Variants in ICE1 observed in about 807,000 individuals in gnomAD.
The protein encoded by ICE1 is little elongation complex subunit 1.
ICE1 carries 64 observed loss-of-function variants against 192.7 expected under a neutral mutation model. That is an observed-to-expected ratio of 0.33 (90% confidence interval 0.27 to 0.41). The LOEUF is 0.41. Ranked by LOEUF, ICE1 falls within the 10% of genes least tolerant of loss-of-function variation. The probability of loss-of-function intolerance (pLI) is 1.00; values close to 1 mark genes in which losing one functional copy is unlikely to be tolerated. For missense variants in ICE1, 2,708 were observed against 2,696.0 expected, an observed-to-expected ratio of 1.00 and a Z score of -0.10; for synonymous variants, 1,010 against 984.5, an observed-to-expected ratio of 1.03 and a Z score of -0.49.
rs1031267443 is a variant in ICE1, at chr5:5,454,640, TGA to T, written c.691+9_691+10del. ...GTGAAGGCAGCAGGTGTGTCCCAGG[TGA>T]GAGAGAAGCTTACAGAAACCGATTT... On this transcript the variant is annotated splice_donor_region_variant and intron_variant, in intron 11 of 18. Transcript: ENST00000296564. 5.0e-6 allele frequency: 8 copies of T among 1,611,842 alleles called. No individual in the cohort carries two copies. Among genetic ancestry groups the T allele is most frequent in the Non-Finnish European group, 6.8e-6 (8 of 1,178,420 alleles).
intron 17 of ICE1, among the ~76,000 whole-genome samples, chr5:5,484,363 TTGAG>T (rs1739582176): frequency 6.6e-6 from 1 of 152,226 alleles, no homozygotes; most frequent in African/African-American, 2.4e-5. Context: ...CATCCCATGA[TTGAG>T]TAATACCATA....
intron 14 of ICE1, among the ~76,000 whole-genome samples, chr5:5,467,861 T>C (rs901484355): frequency 8.5e-5 from 13 of 152,254 alleles, no homozygotes; most frequent in Admixed American, 7.8e-4. Flanking sequence ...CAGTTTCTTA[T>C]GAAATTAAAA....
intron 12 of ICE1, 94 bp from the exon 13 acceptor site, chr5:5,460,342 G>A (rs1438601763): frequency 7.0e-6 from 6 of 857,886 alleles, no homozygotes; most frequent in Non-Finnish European, 1.1e-5. Flanking sequence ...AGATTCTTCA[G>A]GAAACGTGTA....
In ICE1 at chr5:5,447,848, A is replaced by G. The variant is rs1008626506; in HGVS notation, c.555A>G (p.Arg185=). The change falls in exon 10 of 19, where the codon AGA becomes AGG. Residue 185 remains arginine, a synonymous_variant. Transcript: ENST00000296564. ...FSKQKNEKEL[R]HIGTQISSDS... is the part of the protein sequence containing the mutation. ...TTTTCCCCATGCTTTTAGAGTTGAGACATATTGGAACACAAATTTCAAGTG... is the reference window on the plus strand; with the variant it reads ...TTTTCCCCATGCTTTTAGAGTTGAGGCATATTGGAACACAAATTTCAAGTG... 2 of 1,578,428 alleles carry G rather than the reference A, an allele frequency of 1.3e-6. No homozygotes were observed. The highest frequency in any genetic ancestry group is 1.2e-5 in the South Asian group (1 of 86,708).
chr5:5,441,236 AT>A lies in ICE1; in HGVS notation c.309+17del. The A allele has an allele frequency of 3.4e-6, 5 of 1,456,880 alleles. No homozygotes were observed. The highest frequency in any genetic ancestry group is 4.7e-6 in the Non-Finnish European group (5 of 1,061,468). 90.2% of individuals were successfully genotyped at this position (1,456,880 alleles called of 1,614,324 possible). On this transcript the variant is annotated intron_variant, in intron 5 of 18. Coordinates refer to ENST00000296564, the MANE Select transcript of ICE1 (RefSeq NM_015325.3). ...AGAAGAGAAAAAGGTATGAACAATA[AT>A]TTTCTGTAAAGATTTACGGTCAATA...
At chr5:5,430,873 A>G (rs935181946) in intron 1 of ICE1, among the ~76,000 whole-genome samples, 3 of 152,112 alleles carry the variant, frequency 2.0e-5, no homozygotes, top group Non-Finnish European at 4.4e-5. Flanking sequence ...CTTTAATTCA[A>G]TTTTTCATCC....
At position 5,472,947 on chromosome 5, in the gene ICE1, G is replaced by A. The variant is rs1739205315; in HGVS notation, c.6223-611G>A. The stretch of plus-strand genomic sequence containing the variant: ...GAAATTTACATCCTCACAAAGGCTT[G>A]CACGTGAATATTCATAGCAGCATTA... On this transcript the variant is annotated intron_variant, in intron 15 of 18. Transcript: ENST00000296564. Among the ~76,000 whole-genome samples the A allele has an allele frequency of 2.0e-5, 3 of 152,128 alleles. No individual in the cohort carries two copies. The South Asian group carries it at 6.2e-4, about 31-fold the overall frequency.
At chr5:5,445,109 C>G (rs951121100) in intron 7 of ICE1, among the ~76,000 whole-genome samples, 3 of 152,150 alleles carry the variant, frequency 2.0e-5, no homozygotes, top group Non-Finnish European at 4.4e-5. Flanking sequence ...TGCTAGTGCT[C>G]TACTTCAGAG....
chr5:5,469,070 T>C, intron 15 of ICE1, 82 bp downstream of exon 15: 1 of 986,446 alleles, frequency 1.0e-6, no homozygotes, highest in Non-Finnish European at 1.4e-6. Flanking sequence ...TATTTAGTTT[T>C]ATATTAGTTC....
intron 1 of ICE1, among the ~76,000 whole-genome samples, 192 bp from the exon 2 acceptor site, chr5:5,436,226 A>C (rs776872704): frequency 2.6e-5 from 4 of 152,162 alleles, no homozygotes; most frequent in Non-Finnish European, 5.9e-5. Flanking sequence ...AAGGAGTACT[A>C]TCATTCAGAT....
intron 17 of ICE1, among the ~76,000 whole-genome samples, chr5:5,484,398 C>T (rs984241644): frequency 3.3e-5 from 5 of 152,210 alleles, no homozygotes; most frequent in Admixed American, 1.3e-4. Context: ...ATGTGCATCC[C>T]TTTCTCTGCT....
rs771807890 is a variant in ICE1, at chr5:5,462,202, A to G, written c.2868A>G (p.Arg956=). The G allele has an allele frequency of 1.2e-6, 2 of 1,611,168 alleles. No individual in the cohort carries two copies. The highest frequency in any genetic ancestry group is 1.7e-6 in the Non-Finnish European group (2 of 1,178,172). ...VENSDCSTNS[R]LSFSPENILI... Reference sequence around the variant, plus strand: ...ATTCTGATTGTTCCACAAATAGCAGATTATCTTTCTCTCCTGAAAATATCC... The same window carrying G: ...ATTCTGATTGTTCCACAAATAGCAGGTTATCTTTCTCTCCTGAAAATATCC... The change falls in exon 13 of 19, where the codon AGA becomes AGG. Residue 956 remains arginine (R), a synonymous_variant. Transcript: ENST00000296564.
intron 17 of ICE1, among the ~76,000 whole-genome samples, chr5:5,485,132 G>A (rs1448324221): frequency 1.3e-5 from 2 of 151,900 alleles, no homozygotes; most frequent in African/African-American, 2.4e-5. Flanking sequence ...ATACCTGTTA[G>A]TTATTATTGA....
chr5:5,424,285 G>T (rs1350903108), intron 1 of ICE1, among the ~76,000 whole-genome samples: 1 of 152,094 alleles, frequency 6.6e-6, no homozygotes, highest in Non-Finnish European at 1.5e-5. Context: ...AGGAAGGGGA[G>T]GAAGGAAATG....
intron 16 of ICE1, 101 bp downstream of exon 16, chr5:5,473,849 A>G (rs4348184): frequency 1.3e-6 from 1 of 776,496 alleles, no homozygotes; most frequent in Non-Finnish European, 1.9e-6. Flanking sequence ...TAAGTGTGTA[A>G]GGCAGATGAA....
chr5:5,462,457 A>G lies in ICE1; in HGVS notation c.3123A>G (p.Thr1041=). The change falls in exon 13 of 19, where the codon ACA becomes ACG. Residue 1041 remains threonine, a synonymous_variant. Coordinates refer to ENST00000296564, the MANE Select transcript of ICE1 (RefSeq NM_015325.3). ...CTGTTGCAAATGATTCTACCAGCAC[A>G]CCACAAAATGCTAATGGACTTTGGA... ...ALAVANDSTS[T]PQNANGLWKL... 6.2e-7 allele frequency: 1 copy of G among 1,613,994 alleles called. No homozygotes were observed. The highest frequency in any genetic ancestry group is 8.5e-7 in the Non-Finnish European group (1 of 1,179,892).
At chr5:5,437,049 A>G (rs893970300) in intron 2 of ICE1, 31 bp from the exon 3 acceptor site, 2 of 1,332,972 alleles carry the variant, frequency 1.5e-6, no homozygotes, top group African/African-American at 2.9e-5. Context: ...TAAATTAAAA[A>G]GTAACCTAAT....
chr5:5,452,466 C>T (rs777886596), intron 10 of ICE1, among the ~76,000 whole-genome samples: 10 of 151,966 alleles, frequency 6.6e-5, no homozygotes, highest in African/African-American at 1.2e-4. Context: ...AAGAAAAGAC[C>T]TGAAAGCAGT....
In ICE1 at chr5:5,464,123, CAAA is replaced by C. The variant is rs748513582; in HGVS notation, c.4790_4792del (p.Gln1597del). On this transcript the variant is annotated inframe_deletion, in exon 13 of 19. Transcript: ENST00000296564. The surrounding 1 kb of genome is among the most constrained non-coding windows in gnomAD (Gnocchi z 4.0). Reference sequence around the variant, plus strand: ...AGGGGAAAAAGCTAATACAAAAACTCAAAGAAGCCAAACTCAGACCATTTTAGC... The same window carrying C: ...AGGGGAAAAAGCTAATACAAAAACTCGAAGCCAAACTCAGACCATTTTAGC... 1 of 1,613,496 alleles carries C rather than the reference CAAA, an allele frequency of 6.2e-7. No homozygotes were observed. The highest frequency in any genetic ancestry group is 1.7e-5 in the Admixed American group (1 of 60,020).
Sources: gnomAD v4.1 joint callset for allele counts (sites outside exome capture counted in the v4.1 genomes callset) on GRCh38, gnomAD v4.1.1 for gene constraint, Gnocchi (gnomAD v3.1) non-coding constraint, MANE v1.5 for transcripts, NCBI Gene and HGNC (gene_info 2026-07-23, HGNC 2026-07-21) for gene names.